The following RHOT2 variants were observed in gnomAD, a reference collection of about 807,000 sequenced individuals.
RHOT2 encodes the protein ras homolog family member T2.
In RHOT2, 90 loss-of-function variants were observed where a neutral mutation model predicts 81.6. The observed-to-expected ratio is 1.10, with a 90% CI of 0.93 to 1.31. RHOT2 has a LOEUF of 1.31. Among genes scored for constraint, RHOT2 ranks in the 40% most tolerant of loss-of-function variants. The probability of loss-of-function intolerance (pLI) is 0.00; values close to 1 mark genes in which losing one functional copy is unlikely to be tolerated. For synonymous variants in RHOT2, 512 were observed against 370.9 expected, an observed-to-expected ratio of 1.38 and a Z score of -4.37; for missense variants, 1,014 against 841.9, an observed-to-expected ratio of 1.20 and a Z score of -2.53.
chr16:671,335 A>G (rs1008359587), intron 11 of RHOT2, 132 bp downstream of exon 11: 10 of 1,298,460 alleles, frequency 7.7e-6, no homozygotes, highest in Admixed American at 2.6e-5. Context: ...GGTCTCGCTC[A>G]GCAGGCCATC....
At chr16:669,259 G>C (rs1470556905) in intron 4 of RHOT2, 2 of 525,430 alleles carry the variant, frequency 3.8e-6, no homozygotes, top group Non-Finnish European at 3.4e-6. Context: ...GGGTCTTGCT[G>C]ACCACAGTTA....
At chr16:671,552 A>G in intron 11 of RHOT2, 145 bp from the exon 12 acceptor site, 1 of 888,338 alleles carries the variant, frequency 1.1e-6, no homozygotes, top group East Asian at 2.6e-5. Flanking sequence ...CCCCTATCGC[A>G]GCTGCAAGGT....
At position 671,961 on chromosome 16, in the gene RHOT2, G is replaced by GGCCGGCC. The variant is rs1785597937; in HGVS notation, c.1058_1064dup (p.Leu356ArgfsTer37). ...AGCTCCCACGCACAGTCCGCACAGA[G>GGCCGGCC]GCCGGCCGGTTGCCCCTGCACGGAT... is the stretch of plus-strand genomic sequence containing the variant. On this transcript the variant is annotated frameshift_variant, in exon 13 of 19. Transcript: ENST00000315082. LOFTEE classifies it high-confidence loss of function. 2 of 1,612,158 alleles carry GGCCGGCC rather than the reference G, an allele frequency of 1.2e-6. No homozygotes were observed. Among genetic ancestry groups the GGCCGGCC allele is most frequent in the Non-Finnish European group, 1.7e-6 (2 of 1,179,816 alleles).
chr16:672,876 G>A (rs1256278715), intron 17 of RHOT2, 51 bp downstream of exon 17: 2 of 1,612,358 alleles, frequency 1.2e-6, no homozygotes, highest in African/African-American at 1.3e-5. Flanking sequence ...TGTCCCTCCA[G>A]CTGTGCCTCG....
intron 12 of RHOT2, 23 bp downstream of exon 12, chr16:671,804 G>GGCCCAGGCCC: frequency 6.3e-7 from 1 of 1,592,506 alleles, no homozygotes. Flanking sequence ...CGAGTCCCCT[G>GGCCCAGGCCC]CCCCTGCCCC....
rs771350750 is a variant in RHOT2 at position 672,863 on chromosome 16, G to A, written c.1527+38G>A. Reference sequence around the variant, plus strand: ...AGGGGCCACGTGGCCATGGGGCAGGGTCTGTCCCTCCAGCTGTGCCTCGGC... The same window carrying A: ...AGGGGCCACGTGGCCATGGGGCAGGATCTGTCCCTCCAGCTGTGCCTCGGC... On this transcript the variant is annotated intron_variant, in intron 17 of 18. Transcript: ENST00000315082. 15 of 1,612,490 alleles carry A rather than the reference G, an allele frequency of 9.3e-6. No homozygotes were observed. In the Admixed American group the frequency reaches 2.3e-4, roughly 25 times the overall value.
chr16:668,116 G>C, upstream of RHOT2: 2 of 416,626 alleles, frequency 4.8e-6, no homozygotes, highest in Non-Finnish European at 8.4e-6. Context: ...CGGAAGTGCG[G>C]GGCGGGCGCG....
At position 668,495 on chromosome 16, in the gene RHOT2, C is replaced by T. The variant is rs754526538; in HGVS notation, c.104C>T (p.Pro35Leu). The change falls in exon 3 of 19, where the codon CCC (proline) becomes CTC (leucine). Residue 35 changes from proline (P) to leucine (L), a missense_variant. By Grantham distance (98) the Pro-to-Leu change is moderately conservative (BLOSUM62 -3). Coordinates refer to ENST00000315082, the MANE Select transcript of RHOT2 (RefSeq NM_138769.3). Reference sequence around the variant, plus strand: ...CGCGCGGGTCCCTTGCAGGTCCCTCCCCGCGCGGAGGAGATCACCATCCCC... The same window carrying T: ...CGCGCGGGTCCCTTGCAGGTCCCTCTCCGCGCGGAGGAGATCACCATCCCC... ...VGEEFPEEVPPRAEEITIPAD... is the reference protein window; with the variant it reads ...VGEEFPEEVPLRAEEITIPAD... 2.5e-6 allele frequency: 4 copies of T among 1,605,740 alleles called. No homozygotes were observed. The highest frequency in any genetic ancestry group is 2.7e-5 in the African/African-American group (2 of 74,280).
intron 11 of RHOT2, chr16:671,446 G>A (rs1356412679): frequency 1.8e-5 from 13 of 706,932 alleles, no homozygotes; most frequent in Admixed American, 1.5e-4. Context: ...CCCCGCTCGC[G>A]TGGCTTGTTT....
At chr16:669,103 A>G in intron 4 of RHOT2, 1 of 386,098 alleles carries the variant, frequency 2.6e-6, no homozygotes, top group South Asian at 3.3e-5. Context: ...ACAGCCACCC[A>G]GGGCAGCCCC....
In RHOT2 at chr16:672,269, G is replaced by C. The variant is rs2039088693; in HGVS notation, c.1211G>C (p.Arg404Thr). Residue 404 changes from arginine (R) to threonine (T), a missense_variant, in exon 15 of 19, where the codon AGG becomes ACG. By Grantham distance (71) the Arg-to-Thr change is moderately conservative (BLOSUM62 -1). Coordinates refer to ENST00000315082, the MANE Select transcript of RHOT2 (RefSeq NM_138769.3). ...AHAITVTREKRLDQEKGQTQR... is the reference protein window; with the variant it reads ...AHAITVTREKTLDQEKGQTQR... ...ATCCTCACAGTCACTCGTGAGAAGAGGCTGGACCAGGAGAAGGGACAGACG... is the reference window on the plus strand; with the variant it reads ...ATCCTCACAGTCACTCGTGAGAAGACGCTGGACCAGGAGAAGGGACAGACG... 4.3e-6 allele frequency: 7 copies of C among 1,611,950 alleles called. No homozygotes were observed. The highest frequency in any genetic ancestry group is 1.7e-4 in the Middle Eastern group (1 of 6,058).
In RHOT2 at chr16:672,486, C is replaced by T; in HGVS notation, c.1327-3C>T. 2.5e-6 allele frequency: 4 copies of T among 1,612,494 alleles called. No individual in the cohort carries two copies. Among genetic ancestry groups the T allele is most frequent in the African/African-American group, 1.3e-5 (1 of 75,064 alleles). ...GCGAGTGTCAGGACTTCACCTCCCTCAGCACCAGGACACGAGGGAGCAGCC... is the reference window on the plus strand; with the variant it reads ...GCGAGTGTCAGGACTTCACCTCCCTTAGCACCAGGACACGAGGGAGCAGCC... On this transcript the variant is annotated splice_region_variant and splice_polypyrimidine_tract_variant and intron_variant, in intron 15 of 18. Coordinates refer to ENST00000315082, the MANE Select transcript of RHOT2 (RefSeq NM_138769.3).
chr16:672,446 G>A (rs1290936361), intron 15 of RHOT2, 43 bp from the exon 16 acceptor site: 1 of 1,611,046 alleles, frequency 6.2e-7, no homozygotes, highest in Non-Finnish European at 8.5e-7. Flanking sequence ...GGCAATCTGG[G>A]GGGCACTGCA....
intron 4 of RHOT2, 32 bp from the exon 5 acceptor site, chr16:669,521 C>T (rs767197025): frequency 1.2e-5 from 20 of 1,608,378 alleles, no homozygotes; most frequent in Admixed American, 1.7e-5. Context: ...GCCAGCAGCC[C>T]TGTCACCCAC....
rs372130169 is a variant in RHOT2, at chr16:668,192, C to T, written c.-8C>T. The T allele has an allele frequency of 4.4e-5, 21 of 480,590 alleles. No homozygotes were observed. The highest frequency in any genetic ancestry group is 4.6e-5 in the Non-Finnish European group (13 of 280,946). The allele number at this position is 480,590 out of a possible 1,614,324, so 29.8% of individuals were successfully genotyped here. ...TTCCGGGTCGGGGAGCGGCTCCGGGCGGCAGCTATGAGGCGGGACGTGCGC... is the reference window on the plus strand; with the variant it reads ...TTCCGGGTCGGGGAGCGGCTCCGGGTGGCAGCTATGAGGCGGGACGTGCGC... On this transcript the variant is annotated 5_prime_UTR_variant, in exon 1 of 19. Coordinates refer to ENST00000315082, the MANE Select transcript of RHOT2 (RefSeq NM_138769.3).
intron 18 of RHOT2, 70 bp from the exon 19 acceptor site, chr16:673,409 TG>T (rs1367889669): frequency 1.6e-4 from 253 of 1,603,002 alleles, no homozygotes; most frequent in Non-Finnish European, 2.1e-4. Flanking sequence ...GTCCAGGACA[TG>T]GGAGGGTGCC....
chr16:672,232 T>G (rs193193724), intron 14 of RHOT2, 22 bp from the exon 15 acceptor site: 41 of 1,611,710 alleles, frequency 2.5e-5, no homozygotes, highest in African/African-American at 1.5e-4. Context: ...GCAGCTGCCC[T>G]AACCCGTGTC....
chr16:668,590 G>A (rs1435875651), intron 3 of RHOT2, 21 bp downstream of exon 3: 5 of 1,610,312 alleles, frequency 3.1e-6, no homozygotes, highest in Non-Finnish European at 4.2e-6. Flanking sequence ...TAGCCTCCCG[G>A]GGGCCCGGCC....
At chr16:669,202 G>A (rs1439901458) in intron 4 of RHOT2, 3 of 444,486 alleles carry the variant, frequency 6.7e-6, no homozygotes, top group Non-Finnish European at 1.2e-5. Flanking sequence ...CTTGCAGGGT[G>A]TTGGGTTGCA....
Sources: allele counts gnomAD v4.1 joint callset, GRCh38; gene constraint gnomAD v4.1.1; transcripts MANE v1.5; gene names NCBI Gene and HGNC (gene_info 2026-07-23, HGNC 2026-07-21).